The following PTPRD variants were observed in gnomAD, a reference collection of about 807,000 sequenced individuals.
The protein encoded by PTPRD is protein tyrosine phosphatase receptor type D.
Under a neutral mutation model 214.5 loss-of-function variants are expected in PTPRD, and 34 were observed. The observed-to-expected ratio is 0.16, with a 90% confidence interval of 0.12 to 0.21. The LOEUF (loss-of-function observed/expected upper bound fraction) is 0.21, where lower values mean the gene tolerates loss of function less well. PTPRD is among the 10% of genes least tolerant of loss of function. The probability of loss-of-function intolerance (pLI) is 1.00; values close to 1 mark genes in which losing one functional copy is unlikely to be tolerated. For synonymous variants in PTPRD, 1,128 were observed against 845.7 expected, an observed-to-expected ratio of 1.33 and a Z score of -5.79; for missense variants, 2,545 against 2,398.7, an observed-to-expected ratio of 1.06 and a Z score of -1.27.
At chr9:8,868,956 A>T (rs1359067066) in intron 11 of PTPRD, among the ~76,000 whole-genome samples, 2 of 152,184 alleles carry the variant, frequency 1.3e-5, no homozygotes, top group African/African-American at 4.8e-5. Context: ...CAATACAAAC[A>T]TCCTCTAATG....
chr9:9,653,551 G>C (rs959863252), intron 7 of PTPRD, among the ~76,000 whole-genome samples: 3 of 152,042 alleles, frequency 2.0e-5, no homozygotes, highest in African/African-American at 7.2e-5. Flanking sequence ...ACAGCCTCCA[G>C]CTTCCATTGT....
chr9:8,713,588 T>G (rs979236915), intron 12 of PTPRD: 8 of 1,521,132 alleles, frequency 5.3e-6, no homozygotes, highest in Middle Eastern at 2.3e-4. Flanking sequence ...ACCCACAACA[T>G]GTACCGGGAA....
intron 14 of PTPRD, among the ~76,000 whole-genome samples, chr9:8,618,377 G>A (rs945484829): frequency 2.6e-5 from 4 of 151,978 alleles, no homozygotes; most frequent in African/African-American, 9.7e-5. Context: ...TCTATCAACT[G>A]GTAATATTCA....
At chr9:9,432,561 T>C (rs989299670) in intron 8 of PTPRD, among the ~76,000 whole-genome samples, 1 of 152,196 alleles carries the variant, frequency 6.6e-6, no homozygotes, top group Non-Finnish European at 1.5e-5. Context: ...ACTTTGCAGC[T>C]CTCTCTGAAG....
At chr9:9,929,382 G>C (rs10978095) in intron 5 of PTPRD, among the ~76,000 whole-genome samples, 5,745 of 152,178 alleles carry the variant, frequency 0.038, 177 homozygotes, top group East Asian at 0.19. Flanking sequence ...ATAATGGGGA[G>C]GGCCAGAAGA....
chr9:8,874,593 C>G (rs10977328), intron 11 of PTPRD, among the ~76,000 whole-genome samples: 39,663 of 152,092 alleles, frequency 0.26, 6,201 homozygotes, highest in Non-Finnish European at 0.35. Context: ...ACTTGGTTAC[C>G]TTGTTCTCCT....
rs10123071 is a variant in PTPRD at position 9,455,101 on chromosome 9, A to C, written c.-236-57619T>G. ...AAATATAAAAGAAGTAAACATTAAA[A>C]ATGTTTTGTTTTCCTTAAAAGTTTT... On this transcript the variant is annotated intron_variant, in intron 8 of 45. Coordinates refer to ENST00000381196, the MANE Select transcript of PTPRD (RefSeq NM_002839.4). Among the ~76,000 whole-genome samples the C allele has an allele frequency of 8.0e-3, 1,220 of 151,736 alleles. 11 individuals are homozygous for C. The highest frequency in any genetic ancestry group is 0.028 in the African/African-American group (1,145 of 41,492).
rs145998781 is a variant in PTPRD, at chr9:8,922,135, G to A, written c.-104+96562C>T. ...ATCTTCATGTTAATACTTATTAAAA[G>A]GATTAAAAGGATGTATTTTGTGCCT... On this transcript the variant is annotated intron_variant, in intron 11 of 45. Coordinates refer to ENST00000381196, the MANE Select transcript of PTPRD (RefSeq NM_002839.4). Among the ~76,000 whole-genome samples, 450 of 152,220 alleles carry A rather than the reference G, an allele frequency of 3.0e-3. 4 individuals are homozygous for A. The highest frequency in any genetic ancestry group is 0.01 in the African/African-American group (429 of 41,542).
At chr9:10,026,403 T>A (rs780189336) in intron 4 of PTPRD, among the ~76,000 whole-genome samples, 4 of 152,112 alleles carry the variant, frequency 2.6e-5, no homozygotes, top group Non-Finnish European at 4.4e-5. Flanking sequence ...GTTTAAAAGA[T>A]CTGAAATGAT....
intron 11 of PTPRD, among the ~76,000 whole-genome samples, chr9:8,751,575 ATTCT>A (rs374362811): frequency 8.5e-5 from 13 of 152,296 alleles, no homozygotes; most frequent in African/African-American, 2.6e-4. Flanking sequence ...TAATTCAAAC[ATTCT>A]TTCTTTCAGG....
intron 4 of PTPRD, among the ~76,000 whole-genome samples, chr9:9,947,365 A>ATATATTATATATATATTATATATAT (rs2092757655): frequency 2.0e-4 from 8 of 40,732 alleles, no homozygotes; most frequent in African/African-American, 8.7e-4. Flanking sequence ...TATATATATT[A>ATATATTATATATATATTATATATAT]TATATATATT....
intron 3 of PTPRD, among the ~76,000 whole-genome samples, chr9:10,092,360 A>T (rs999254896): frequency 6.6e-6 from 1 of 151,452 alleles, no homozygotes; most frequent in Non-Finnish European, 1.5e-5. Flanking sequence ...ACTTGACAGA[A>T]CATTGTAGAC....
chr9:9,467,451 G>T (rs1400004834), intron 8 of PTPRD, among the ~76,000 whole-genome samples: 1 of 150,810 alleles, frequency 6.6e-6, no homozygotes, highest in Admixed American at 6.6e-5. Flanking sequence ...GCAAGGCGGG[G>T]TGGCAGGCAC....
chr9:8,698,316 G>C (rs1313729230), intron 12 of PTPRD, among the ~76,000 whole-genome samples: 1 of 152,158 alleles, frequency 6.6e-6, no homozygotes, highest in Admixed American at 6.5e-5. Context: ...GAAAATGCTG[G>C]TGAAAATCAA....
intron 2 of PTPRD, among the ~76,000 whole-genome samples, chr9:10,355,974 C>G (rs1393896971): frequency 1.3e-5 from 2 of 152,050 alleles, no homozygotes; most frequent in African/African-American, 4.8e-5. Context: ...GAGATGTACA[C>G]TGGGAATGAT....
At chr9:9,430,886 T>C (rs539770042) in intron 8 of PTPRD, among the ~76,000 whole-genome samples, 111 of 152,152 alleles carry the variant, frequency 7.3e-4, no homozygotes, top group Non-Finnish European at 1.3e-3. Context: ...TCCTTACACC[T>C]TATACAAAAA....
chr9:9,341,345 C>A (rs1486221243), intron 9 of PTPRD, among the ~76,000 whole-genome samples: 3 of 152,078 alleles, frequency 2.0e-5, no homozygotes, highest in Non-Finnish European at 2.9e-5. Flanking sequence ...TAGAAACTCT[C>A]CATTCAGTTG....
At chr9:10,287,727 C>G (rs1307404749) in intron 3 of PTPRD, among the ~76,000 whole-genome samples, 1 of 152,090 alleles carries the variant, frequency 6.6e-6, no homozygotes, top group Non-Finnish European at 1.5e-5. Flanking sequence ...GCTATGCACT[C>G]TCTCTCCCAC....
chr9:8,917,540 C>T (rs1457792571), intron 11 of PTPRD, among the ~76,000 whole-genome samples: 2 of 152,032 alleles, frequency 1.3e-5, no homozygotes, highest in East Asian at 1.9e-4. Context: ...ACTCAGAGCA[C>T]GGTTTGTCTA....
Sources: allele counts gnomAD v4.1 joint callset (sites outside exome capture counted in the v4.1 genomes callset), GRCh38; gene constraint gnomAD v4.1.1; transcripts MANE v1.5; gene names NCBI Gene and HGNC (gene_info 2026-07-23, HGNC 2026-07-21).